The following PJVK variants were observed in gnomAD, a reference collection of about 807,000 sequenced individuals.
The protein encoded by PJVK is pejvakin.
Under a neutral mutation model 37.6 loss-of-function variants are expected in PJVK, and 33 were observed. That is an observed-to-expected ratio of 0.88 (90% CI 0.67 to 1.17). PJVK has a LOEUF of 1.17. Among genes scored for constraint, PJVK ranks in the 50% most tolerant of loss-of-function variants. The pLI is 0.00. For missense variants in PJVK, 410 were observed against 413.8 expected (o/e 0.99, Z 0.08); for synonymous variants, 141 against 143.5 (o/e 0.98, Z 0.13).
intron 3 of PJVK, chr2:178,454,796 A>G: frequency 1.3e-6 from 2 of 1,535,062 alleles, no homozygotes; most frequent in African/African-American, 2.7e-5. Flanking sequence ...TTGACCAGAA[A>G]TAGGATGCAG....
chr2:178,453,971 C>A (rs1026987993), intron 2 of PJVK: 2 of 312,690 alleles, frequency 6.4e-6, no homozygotes, highest in Non-Finnish European at 1.3e-5. Context: ...TTATTTTTTA[C>A]AATTCAATTA....
chr2:178,455,199 G>A (rs983260323), intron 3 of PJVK: 41 of 1,582,340 alleles, frequency 2.6e-5, no homozygotes, highest in Non-Finnish European at 3.0e-5. Context: ...TGGTGGAGCC[G>A]CTTGGTGTCC....
rs1177781461 is a variant in PJVK, at chr2:178,461,189, G to A, written c.974G>A (p.Cys325Tyr). The change falls in exon 7 of 7, where the codon TGC becomes TAC. Residue 325 changes from cysteine to tyrosine, a missense_variant. Physicochemically the swap from Cys to Tyr is radical, Grantham distance 194. Transcript: ENST00000644580. The stretch of plus-strand genomic sequence containing the variant: ...TTCAAAAGGGAGACAGTTTATGGGT[G>A]CTTTCAGTGTTCTGTTGATGGTCAG... ...GNFKRETVYG[C>Y]FQCSVDGQKY... The A allele has an allele frequency of 1.2e-6, 2 of 1,614,056 alleles. No homozygotes were observed. Among genetic ancestry groups the A allele is most frequent in the African/African-American group, 1.3e-5 (1 of 74,942 alleles).
rs754576211 is a variant in PJVK at position 178,453,602 on chromosome 2, G to T, written c.193G>T (p.Asp65Tyr). The change falls in exon 2 of 7, where the codon GAC (aspartate) becomes TAC (tyrosine). Residue 65 changes from aspartate (D) to tyrosine (Y), a missense_variant. Asp to Tyr is a radical substitution (Grantham distance 160). Coordinates refer to ENST00000644580, the MANE Select transcript of PJVK (RefSeq NM_001042702.5). ...PFTLKDILLG[D>Y]REISAGISSY... ...TACACTGAAAGATATTCTCCTAGGA[G>T]ACAGAGAAATTTCAGCTGGTAAGTT... The T allele has an allele frequency of 1.2e-6, 2 of 1,612,922 alleles. No homozygotes were observed. Among genetic ancestry groups the T allele is most frequent in the Non-Finnish European group, 1.7e-6 (2 of 1,179,424 alleles).
chr2:178,461,408 C>A lies in PJVK; in HGVS notation c.*134C>A. ...AAAAGAAATTAACCTGTCTGGGTAT[C>A]ATATTCCCTATCTATAAAGTAGCAA... is the stretch of plus-strand genomic sequence containing the variant. On this transcript the variant is annotated 3_prime_UTR_variant, in exon 7 of 7. Coordinates refer to ENST00000644580, the MANE Select transcript of PJVK (RefSeq NM_001042702.5). 1 of 925,968 alleles carries A rather than the reference C, an allele frequency of 1.1e-6. No homozygotes were observed. The highest frequency in any genetic ancestry group is 1.6e-6 in the Non-Finnish European group (1 of 608,092). 57.4% of individuals were successfully genotyped at this position (925,968 alleles called of 1,614,324 possible).
At chr2:178,454,205 G>C in intron 2 of PJVK, 127 bp from the exon 3 acceptor site, 1 of 714,776 alleles carries the variant, frequency 1.4e-6, no homozygotes, top group Non-Finnish European at 2.3e-6. Flanking sequence ...TTTAAGTCTT[G>C]GTGAGTCATG....
chr2:178,458,368 G>T, intron 4 of PJVK, 142 bp from the exon 5 acceptor site: 1 of 627,308 alleles, frequency 1.6e-6, no homozygotes, highest in East Asian at 2.9e-5. Context: ...TATAAAAAAT[G>T]GTTTAATTCA....
intron 2 of PJVK, 53 bp downstream of exon 2, chr2:178,453,673 C>A: frequency 6.9e-7 from 1 of 1,455,796 alleles, no homozygotes; most frequent in Non-Finnish European, 9.5e-7. Flanking sequence ...TATTGGCAAC[C>A]TAAACATAGG....
intron 4 of PJVK, among the ~76,000 whole-genome samples, chr2:178,456,985 T>G (rs1021684200): frequency 6.6e-6 from 1 of 152,214 alleles, no homozygotes; most frequent in Admixed American, 6.5e-5. Flanking sequence ...GATTTTTTTT[T>G]TGAGACGGAG....
At chr2:178,454,740 A>T in intron 3 of PJVK, 1 of 1,569,556 alleles carries the variant, frequency 6.4e-7, no homozygotes, top group East Asian at 2.4e-5. Flanking sequence ...AGGGCCCCAG[A>T]TCAAGGAGCT....
Position 178,461,436 on chromosome 2 carries a change from A to G in PJVK, c.*162A>G, listed in dbSNP as rs1490611431. On this transcript the variant is annotated 3_prime_UTR_variant, in exon 7 of 7. Transcript: ENST00000644580. ...ATTCCCTATCTATAAAGTAGCAATT[A>G]TAACAGTAGTGTCTATTTCTTAAGT... 1 of 689,392 alleles carries G rather than the reference A, an allele frequency of 1.5e-6. No individual in the cohort carries two copies. The highest frequency in any genetic ancestry group is 2.4e-6 in the Non-Finnish European group (1 of 415,230). The allele number at this position is 689,392 out of a possible 1,614,324, so 42.7% of individuals were successfully genotyped here. A position where few individuals can be genotyped will look rare whatever the true frequency, so the allele number is the denominator to read the frequency against.
In PJVK at chr2:178,460,396, C is replaced by T. The variant is rs199693434; in HGVS notation, c.716C>T (p.Thr239Met). The T allele has an allele frequency of 7.9e-5, 128 of 1,613,984 alleles. No individual in the cohort carries two copies. The highest frequency in any genetic ancestry group is 3.3e-4 in the Middle Eastern group (2 of 6,062). Residue 239 changes from threonine (T) to methionine (M), a missense_variant, in exon 6 of 7, where the codon ACG (threonine) becomes ATG (methionine). Coordinates refer to ENST00000644580, the MANE Select transcript of PJVK (RefSeq NM_001042702.5). ...AAAGGAGGATTTGAAAGGGAAGAAACGGCAACATTTGCACTGCTGTACAGG... is the reference window on the plus strand; with the variant it reads ...AAAGGAGGATTTGAAAGGGAAGAAATGGCAACATTTGCACTGCTGTACAGG... ...VSKGGFEREE[T>M]ATFALLYRLR...
intron 1 of PJVK, chr2:178,452,205 A>G (rs1163278729): frequency 1.3e-6 from 1 of 745,406 alleles, no homozygotes; most frequent in Non-Finnish European, 1.6e-6. Flanking sequence ...AAGCAGGAGA[A>G]TCGCTTGAAC....
In PJVK at chr2:178,456,476, C is replaced by T. The variant is rs544022152; in HGVS notation, c.549+325C>T. ...GAATTGATTTTATTTTTAAGTGATA[C>T]AGTTTTTGACTGGGCACAGTGGCTC... On this transcript the variant is annotated intron_variant, in intron 4 of 6. Coordinates refer to ENST00000644580, the MANE Select transcript of PJVK (RefSeq NM_001042702.5). Among the ~76,000 whole-genome samples the T allele has an allele frequency of 2.6e-5, 4 of 151,926 alleles. No homozygotes were observed. The South Asian group carries it at 8.3e-4, about 32-fold the overall frequency.
At chr2:178,455,023 A>G (rs1281637363) in intron 3 of PJVK, 12 of 1,103,794 alleles carry the variant, frequency 1.1e-5, no homozygotes, top group Non-Finnish European at 1.5e-5. Context: ...AAAGGGAAGG[A>G]CGTGGTGGTG....
chr2:178,459,419 A>G (rs978138571), intron 5 of PJVK: 1 of 314,290 alleles, frequency 3.2e-6, no homozygotes, highest in Non-Finnish European at 6.6e-6. Flanking sequence ...TATATAGTAG[A>G]TTATATATAT....
At chr2:178,460,513 T>C in intron 6 of PJVK, 67 bp downstream of exon 6, 2 of 1,391,440 alleles carry the variant, frequency 1.4e-6, no homozygotes, top group Admixed American at 3.5e-5. Context: ...CATGAGGTTT[T>C]CTATTCAGTA....
chr2:178,455,658 A>G (rs1684014573), intron 3 of PJVK, among the ~76,000 whole-genome samples: 1 of 151,816 alleles, frequency 6.6e-6, no homozygotes, highest in South Asian at 2.1e-4. Flanking sequence ...AAAAAAAAAA[A>G]CCACTTGGCT....
chr2:178,460,134 G>A (rs180819301), intron 5 of PJVK, among the ~76,000 whole-genome samples: 1 of 152,282 alleles, frequency 6.6e-6, no homozygotes, highest in Non-Finnish European at 1.5e-5. Context: ...AGAAGACTGT[G>A]GCTGGATACA....
Sources: allele counts gnomAD v4.1 joint callset (sites outside exome capture counted in the v4.1 genomes callset), GRCh38; gene constraint gnomAD v4.1.1; transcripts MANE v1.5; gene names NCBI Gene and HGNC (gene_info 2026-07-23, HGNC 2026-07-21).